The following GPR39 variants were observed in gnomAD, a reference collection of about 807,000 sequenced individuals.
The protein encoded by GPR39 is G protein-coupled receptor 39.
Under a neutral mutation model 18.4 loss-of-function variants are expected in GPR39, and 23 were observed. The observed-to-expected ratio is 1.25, with a 90% CI of 0.90 to 1.77. The LOEUF is 1.77. Ranked by LOEUF, GPR39 falls within the 40% of genes most tolerant of loss-of-function variation. The probability of loss-of-function intolerance (pLI) is 0.00; values close to 1 mark genes in which losing one functional copy is unlikely to be tolerated. For missense variants in GPR39, 647 were observed against 602.4 expected, an observed-to-expected ratio of 1.07 and a Z score of -0.78; for synonymous variants, 280 against 257.9, an observed-to-expected ratio of 1.09 and a Z score of -0.82.
chr2:132,592,413 G>A (rs137927972), intron 1 of GPR39, among the ~76,000 whole-genome samples: 9 of 152,334 alleles, frequency 5.9e-5, no homozygotes, highest in Admixed American at 2.6e-4. Context: ...TGTCAAGTAA[G>A]GCTGGTGTGG....
intron 1 of GPR39, among the ~76,000 whole-genome samples, chr2:132,429,453 G>T (rs1680186154): frequency 6.6e-6 from 1 of 152,224 alleles, no homozygotes; most frequent in African/African-American, 2.4e-5. Context: ...TTTGAGTCCT[G>T]CTTCCTCAAG....
At chr2:132,489,797 A>C (rs1252448743) in intron 1 of GPR39, among the ~76,000 whole-genome samples, 1 of 151,980 alleles carries the variant, frequency 6.6e-6, no homozygotes, top group East Asian at 1.9e-4. Context: ...TTAGTACAAA[A>C]ATTACTTTTC....
At chr2:132,445,519 A>G (rs549509023) in intron 1 of GPR39, among the ~76,000 whole-genome samples, 2 of 152,232 alleles carry the variant, frequency 1.3e-5, no homozygotes, top group Non-Finnish European at 2.9e-5. Flanking sequence ...TTAAAATGTA[A>G]TAGACTTAAC....
chr2:132,591,263 AAAAAAAAAAAAAAAC>A (rs1207923597), intron 1 of GPR39, among the ~76,000 whole-genome samples: 4 of 127,580 alleles, frequency 3.1e-5, no homozygotes, highest in East Asian at 4.9e-4. Flanking sequence ...GTCTCAAAAA[AAAAAAAAAAAAAAAC>A]AAAAAAAAAC....
chr2:132,593,763 T>A (rs1464815668), intron 1 of GPR39, among the ~76,000 whole-genome samples: 1 of 152,028 alleles, frequency 6.6e-6, no homozygotes, highest in Non-Finnish European at 1.5e-5. Context: ...CAGGTCCTGG[T>A]TGGAGGATGA....
intron 1 of GPR39, among the ~76,000 whole-genome samples, chr2:132,557,863 C>A (rs994328161): frequency 6.6e-6 from 1 of 151,848 alleles, no homozygotes; most frequent in Non-Finnish European, 1.5e-5. Context: ...CCATGCCGCC[C>A]GGGGGGGCTG....
chr2:132,558,189 T>C (rs1285435469), intron 1 of GPR39, among the ~76,000 whole-genome samples: 2 of 152,042 alleles, frequency 1.3e-5, no homozygotes, highest in African/African-American at 4.8e-5. Flanking sequence ...TTAGCTTCTC[T>C]AGCTCTGACA....
chr2:132,432,298 G>A (rs1012664051), intron 1 of GPR39, among the ~76,000 whole-genome samples: 1 of 152,182 alleles, frequency 6.6e-6, no homozygotes, highest in Non-Finnish European at 1.5e-5. Context: ...GAAGGGGCAA[G>A]GCAGCTCTCT....
chr2:132,564,810 C>CTTTTTTCTTTTTTTT (rs1680317290), intron 1 of GPR39, among the ~76,000 whole-genome samples: 6 of 95,442 alleles, frequency 6.3e-5, no homozygotes, highest in Admixed American at 2.9e-4. Flanking sequence ...TTTCTTTTTT[C>CTTTTTTCTTTTTTTT]TTTTTTTTTT....
rs1218107650 is a variant in GPR39, at chr2:132,645,535, C to T, written c.1291C>T (p.Leu431=). 8 of 1,614,044 alleles carry T rather than the reference C, an allele frequency of 5.0e-6. No homozygotes were observed. The highest frequency in any genetic ancestry group is 2.2e-5 in the East Asian group (1 of 44,858). Residue 431 remains leucine, a synonymous_variant, in exon 2 of 2, where the codon CTA becomes TTA. Coordinates refer to ENST00000329321, the MANE Select transcript of GPR39 (RefSeq NM_001508.3). ...GTCCCAGTCATTGAGTCTCGAGTCACTAGAGCCCAACTCAGGCGCGAAACC... is the reference window on the plus strand; with the variant it reads ...GTCCCAGTCATTGAGTCTCGAGTCATTAGAGCCCAACTCAGGCGCGAAACC... ...SKSQSLSLES[L]EPNSGAKPAN...
intron 1 of GPR39, among the ~76,000 whole-genome samples, chr2:132,618,630 G>A (rs375469412): frequency 6.6e-6 from 1 of 152,146 alleles, no homozygotes; most frequent in Non-Finnish European, 1.5e-5. Flanking sequence ...GGCTGGGCTC[G>A]GTGGTGCTTT....
chr2:132,463,286 A>G (rs1015412545), intron 1 of GPR39, among the ~76,000 whole-genome samples: 5 of 152,188 alleles, frequency 3.3e-5, no homozygotes, highest in African/African-American at 1.2e-4. Flanking sequence ...TTCCTTATAC[A>G]AGGCACTGAG....
At chr2:132,574,418 C>A (rs1490735924) in intron 1 of GPR39, among the ~76,000 whole-genome samples, 3 of 152,146 alleles carry the variant, frequency 2.0e-5, no homozygotes, top group Non-Finnish European at 4.4e-5. Flanking sequence ...TCATAGTTCA[C>A]AGGAACTCTT....
chr2:132,568,455 C>T lies in GPR39; in HGVS notation c.857-76646C>T, dbSNP rs372093683. The stretch of plus-strand genomic sequence containing the variant: ...GCACGGTGGCTTATGCCTGTAATCT[C>T]AGCACTTTGGGAGGCTGAGGTGGGC... On this transcript the variant is annotated intron_variant, in intron 1 of 1. Coordinates refer to ENST00000329321, the MANE Select transcript of GPR39 (RefSeq NM_001508.3). Among the ~76,000 whole-genome samples, 109 of 152,136 alleles carry T rather than the reference C, an allele frequency of 7.2e-4. 1 individual carries two copies. The highest frequency in any genetic ancestry group is 3.4e-3 in the Middle Eastern group (1 of 294).
intron 1 of GPR39, among the ~76,000 whole-genome samples, chr2:132,573,124 CCTTA>C (rs150369281): frequency 0.018 from 2,805 of 152,242 alleles, 103 homozygotes; most frequent in African/African-American, 0.064. Flanking sequence ...AAACTCTTGT[CCTTA>C]CTTACCCTTC....
At chr2:132,510,518 A>G (rs1679221100) in intron 1 of GPR39, among the ~76,000 whole-genome samples, 1 of 152,174 alleles carries the variant, frequency 6.6e-6, no homozygotes, top group Admixed American at 6.5e-5. Context: ...GCAGGCTGAA[A>G]CAGAGCCTGG....
chr2:132,454,674 G>A (rs1001262755), intron 1 of GPR39, among the ~76,000 whole-genome samples: 1 of 152,124 alleles, frequency 6.6e-6, no homozygotes, highest in Non-Finnish European at 1.5e-5. Flanking sequence ...CTAGTTTATT[G>A]AGAGTTTTTA....
intron 1 of GPR39, among the ~76,000 whole-genome samples, chr2:132,564,497 C>G (rs567817466): frequency 6.6e-6 from 1 of 152,290 alleles, no homozygotes; most frequent in Admixed American, 6.5e-5. Flanking sequence ...ACATGTCCAA[C>G]CTGAGTTGGC....
chr2:132,585,130 A>G (rs1680701532), intron 1 of GPR39, among the ~76,000 whole-genome samples: 1 of 151,946 alleles, frequency 6.6e-6, no homozygotes, highest in Non-Finnish European at 1.5e-5. Flanking sequence ...CACTCCCTCA[A>G]CCTCACAGAG....
Sources: allele counts gnomAD v4.1 joint callset (sites outside exome capture counted in the v4.1 genomes callset), GRCh38; gene constraint gnomAD v4.1.1; transcripts MANE v1.5; gene names NCBI Gene and HGNC (gene_info 2026-07-23, HGNC 2026-07-21).